GPR78: variants seen among roughly 807,000 people sequenced by gnomAD.
The protein encoded by GPR78 is G protein-coupled receptor 78.
In GPR78, 29 loss-of-function variants were observed where a neutral mutation model predicts 17.9. The observed-to-expected ratio is 1.62, with a 90% CI of 1.20 to 2.21. The LOEUF (loss-of-function observed/expected upper bound fraction) is 2.21. Among genes scored for constraint, GPR78 ranks in the 30% most tolerant of loss-of-function variants. GPR78 has a pLI of 0.00. For synonymous variants in GPR78, 349 were observed against 256.9 expected (o/e 1.36, Z -3.43); for missense variants, 649 against 530.5 (o/e 1.22, Z -2.19).
chr4:8,584,037 C>T (rs1195770325), intron 2 of GPR78, among the ~76,000 whole-genome samples: 1 of 152,164 alleles, frequency 6.6e-6, no homozygotes, highest in Non-Finnish European at 1.5e-5. Flanking sequence ...TATGTGTGCC[C>T]ATGTGCCTGC....
chr4:8,587,221 C>A lies in GPR78; in HGVS notation c.950C>A (p.Pro317Gln). Residue 317 changes from proline (P) to glutamine (Q), a missense_variant, in exon 3 of 3, where the codon CCG becomes CAG. Coordinates refer to ENST00000382487, the MANE Select transcript of GPR78 (RefSeq NM_080819.5). Reference sequence around the variant, plus strand: ...GTGCACCGGCTGCTGAAGAGAACCCCGCGCCCAGCATCCACCCATGACAGC... The same window carrying A: ...GTGCACCGGCTGCTGAAGAGAACCCAGCGCCCAGCATCCACCCATGACAGC... ...GMVHRLLKRT[P>Q]RPASTHDSSL... 6.2e-7 allele frequency: 1 copy of A among 1,610,796 alleles called. No homozygotes were observed. Among genetic ancestry groups the A allele is most frequent in the Non-Finnish European group, 8.5e-7 (1 of 1,177,874 alleles).
Position 8,588,852 on chromosome 4 carries a change from A to G in GPR78, c.*1489A>G, listed in dbSNP as rs1180881788. ...TTCACAGATTCTTCCCCAAAAACAC[A>G]GGTGTTATTATTATACTTTTAAAAA... On this transcript the variant is annotated 3_prime_UTR_variant, in exon 3 of 3. Coordinates refer to ENST00000382487, the MANE Select transcript of GPR78 (RefSeq NM_080819.5). Among the ~76,000 whole-genome samples the G allele has an allele frequency of 6.6e-6, 1 of 152,180 alleles. No individual in the cohort carries two copies. The highest frequency in any genetic ancestry group is 1.5e-5 in the Non-Finnish European group (1 of 68,038).
chr4:8,580,962 G>T lies in GPR78; in HGVS notation c.-21G>T. ...AGCAGAGCCATGAGAACCCCAGGGT[G>T]CCTGGCGAGCCGCTAGCGCCATGGG... is the stretch of plus-strand genomic sequence containing the variant. On this transcript the variant is annotated 5_prime_UTR_variant, in exon 1 of 3. Coordinates refer to ENST00000382487, the MANE Select transcript of GPR78 (RefSeq NM_080819.5). The T allele has an allele frequency of 2.6e-6, 4 of 1,531,320 alleles. No individual in the cohort carries two copies. The highest frequency in any genetic ancestry group is 2.5e-5 in the South Asian group (2 of 80,898). 94.9% of individuals were successfully genotyped at this position (1,531,320 alleles called of 1,614,324 possible).
In GPR78 at chr4:8,580,870, C is replaced by A. The variant is rs1713245636; in HGVS notation, c.-113C>A. The A allele has an allele frequency of 7.5e-6, 8 of 1,064,076 alleles. No individual in the cohort carries two copies. The South Asian group carries it at 1.3e-4, about 18-fold the overall frequency. 65.9% of individuals were successfully genotyped at this position (1,064,076 alleles called of 1,614,324 possible). A position where few individuals can be genotyped will look rare whatever the true frequency, so the allele number is the denominator to read the frequency against. On this transcript the variant is annotated 5_prime_UTR_variant, in exon 1 of 3. Coordinates refer to ENST00000382487, the MANE Select transcript of GPR78 (RefSeq NM_080819.5). ...CTGGACCTTGCTAGCCGGCTCTGCA[C>A]CTCCCAGAAGCCGTGGGCGCGCCGC...
intron 2 of GPR78, 51 bp from the exon 3 acceptor site, chr4:8,587,003 G>T (rs758709975): frequency 6.6e-7 from 1 of 1,510,640 alleles, no homozygotes; most frequent in Admixed American, 1.7e-5. Flanking sequence ...GCGTGAGTGC[G>T]TGGCAGGTGC....
chr4:8,581,261 G>T lies in GPR78; in HGVS notation c.279G>T (p.Ala93=). 1 of 1,591,380 alleles carries T rather than the reference G, an allele frequency of 6.3e-7. No individual in the cohort carries two copies. Among genetic ancestry groups the T allele is most frequent in the Non-Finnish European group, 8.5e-7 (1 of 1,174,142 alleles). Residue 93 remains alanine, a synonymous_variant, in exon 1 of 3, where the codon GCG becomes GCT. Transcript: ENST00000382487. Reference sequence around the variant, plus strand: ...TGGACACCTTCCTGGCGTCCAACGCGGCGCTGAGCGTGGCGGCGCTGAGCG... The same window carrying T: ...TGGACACCTTCCTGGCGTCCAACGCTGCGCTGAGCGTGGCGGCGCTGAGCG... ...GFLDTFLASN[A]ALSVAALSAD...
chr4:8,581,455 T>A lies in GPR78; in HGVS notation c.473T>A (p.Leu158Gln). ...GYSSAFASCSLRLPPEPERPR... is the reference protein window; with the variant it reads ...GYSSAFASCSQRLPPEPERPR... ...AGCAGCGCCTTCGCGTCCTGTTCGC[T>A]GCGCCTGCCGCCCGAGCCTGAGCGT... Residue 158 changes from leucine (L) to glutamine (Q), a missense_variant, in exon 1 of 3, where the codon CTG (leucine) becomes CAG (glutamine). Coordinates refer to ENST00000382487, the MANE Select transcript of GPR78 (RefSeq NM_080819.5). 3 of 1,591,104 alleles carry A rather than the reference T, an allele frequency of 1.9e-6. No individual in the cohort carries two copies. Among genetic ancestry groups the A allele is most frequent in the Non-Finnish European group, 2.5e-6 (3 of 1,176,538 alleles).
At chr4:8,581,833 G>A (rs1713305542) in intron 1 of GPR78, among the ~76,000 whole-genome samples, 183 bp downstream of exon 1, 1 of 149,414 alleles carries the variant, frequency 6.7e-6, no homozygotes, top group Non-Finnish European at 1.5e-5. Flanking sequence ...ACACTGCGGG[G>A]GCCTCTGCCT....
chr4:8,581,970 T>A (rs1265184078), intron 1 of GPR78, among the ~76,000 whole-genome samples: 1 of 152,186 alleles, frequency 6.6e-6, no homozygotes, highest in Non-Finnish European at 1.5e-5. Flanking sequence ...GCTGTGGGTC[T>A]GAGGCATCTG....
chr4:8,583,311 C>A (rs961170840), intron 2 of GPR78, among the ~76,000 whole-genome samples: 2 of 152,152 alleles, frequency 1.3e-5, no homozygotes, highest in African/African-American at 4.8e-5. Flanking sequence ...TGGAAGGCAC[C>A]GTGGTTAGAG....
Position 8,581,325 on chromosome 4 carries a change from G to T in GPR78, c.343G>T (p.Ala115Ser), listed in dbSNP as rs199748712. ...WLAVGFPLRY[A>S]GRLRPRYAGL... ...GGCAGTGGGCTTCCCACTGCGCTAC[G>T]CCGGACGCCTGCGACCGCGCTATGC... Residue 115 changes from alanine to serine, a missense_variant, in exon 1 of 3, where the codon GCC (alanine) becomes TCC (serine). By Grantham distance (99) the Ala-to-Ser change is moderately conservative. Coordinates refer to ENST00000382487, the MANE Select transcript of GPR78 (RefSeq NM_080819.5). The T allele has an allele frequency of 5.0e-4, 791 of 1,577,934 alleles. No homozygotes were observed. Among genetic ancestry groups the T allele is most frequent in the Non-Finnish European group, 4.9e-4 (569 of 1,168,060 alleles).
rs1713246213 is a variant in GPR78 at position 8,580,887 on chromosome 4, G to C, written c.-96G>C. ...GCTCTGCACCTCCCAGAAGCCGTGG[G>C]CGCGCCGCTCAGCTGCTCCATCGCC... On this transcript the variant is annotated 5_prime_UTR_variant, in exon 1 of 3. Coordinates refer to ENST00000382487, the MANE Select transcript of GPR78 (RefSeq NM_080819.5). 3.4e-6 allele frequency: 4 copies of C among 1,192,336 alleles called. No individual in the cohort carries two copies. Among genetic ancestry groups the C allele is most frequent in the Non-Finnish European group, 4.6e-6 (4 of 876,672 alleles). The allele number at this position is 1,192,336 out of a possible 1,614,324, so 73.9% of individuals were successfully genotyped here.
intron 1 of GPR78, 37 bp downstream of exon 1, chr4:8,581,687 G>C: frequency 7.1e-7 from 1 of 1,401,884 alleles, no homozygotes; most frequent in Non-Finnish European, 9.3e-7. Flanking sequence ...CCCAGGCCAG[G>C]GACTTGGGCG....
rs771997373 is a variant in GPR78 at position 8,581,576 on chromosome 4, G to A, written c.594G>A (p.Val198=). The A allele has an allele frequency of 1.9e-6, 3 of 1,573,676 alleles. No homozygotes were observed. The highest frequency in any genetic ancestry group is 2.6e-6 in the Non-Finnish European group (3 of 1,167,730). The change falls in exon 1 of 3, where the codon GTG becomes GTA. Residue 198 remains valine, a synonymous_variant. Transcript: ENST00000382487. The part of the protein sequence containing the change: ...LCLTSLQVHR[V]ARRHCQRMDT... ...TCACCTCGCTCCAGGTGCACCGGGT[G>A]GCACGCAGACACTGCCAGCGCATGG...
Position 8,587,070 on chromosome 4 carries a change from C to A in GPR78, c.799C>A (p.Pro267Thr). 1.2e-6 allele frequency: 2 copies of A among 1,611,618 alleles called. No individual in the cohort carries two copies. Among genetic ancestry groups the A allele is most frequent in the Non-Finnish European group, 1.7e-6 (2 of 1,178,930 alleles). The change falls in exon 3 of 3, where the codon CCC becomes ACC. Residue 267 changes from proline to threonine, a missense_variant. By Grantham distance (38) the Pro-to-Thr change is conservative (BLOSUM62 -1). Transcript: ENST00000382487. ...YVMTRLAELV[P>T]FVTVNAQWGI... ...CCCCAACAGGCTGGCGGAGCTCGTGCCCTTCGTCACCGTGAACGCCCAGTG... is the reference window on the plus strand; with the variant it reads ...CCCCAACAGGCTGGCGGAGCTCGTGACCTTCGTCACCGTGAACGCCCAGTG...
At position 8,584,047 on chromosome 4, in the gene GPR78, C is replaced by CGCAT. The variant is rs1280783688; in HGVS notation, c.782+1413_782+1416dup. ...GTGTGTATGTGTGCCCATGTGCCTG[C>CGCAT]GCATGCATGCATGTGTATGTTGTGA... On this transcript the variant is annotated intron_variant, in intron 2 of 2. Transcript: ENST00000382487. 3.9e-5 allele frequency among the ~76,000 whole-genome samples: 6 copies of CGCAT among 152,270 alleles called. No individual in the cohort carries two copies. The East Asian group carries it at 1.2e-3, about 29-fold the overall frequency.
rs770418487 is a variant in GPR78, at chr4:8,582,536, G to A, written c.674G>A (p.Arg225Gln). The A allele has an allele frequency of 2.0e-5, 32 of 1,605,168 alleles. No homozygotes were observed. Among genetic ancestry groups the A allele is most frequent in the Middle Eastern group, 3.3e-4 (2 of 6,052 alleles). The change falls in exon 2 of 3, where the codon CGG (arginine) becomes CAG (glutamine). Residue 225 changes from arginine (R) to glutamine (Q), a missense_variant. Physicochemically the swap from Arg to Gln is conservative, Grantham distance 43. Transcript: ENST00000382487. ...ACTGTCCTCTGTCCCCACAGTGTGC[G>A]GCAGCGCTGCCTCATCCAGCAGAAG... Reference protein sequence around the residue: ...ALLADLHPSVRQRCLIQQKRR... With the variant: ...ALLADLHPSVQQRCLIQQKRR...
chr4:8,581,799 T>TTG, intron 1 of GPR78, 149 bp downstream of exon 1: 1 of 605,650 alleles, frequency 1.7e-6, no homozygotes, highest in South Asian at 2.6e-5. Flanking sequence ...CTCACAGGGG[T>TTG]TTCCTGTTGG....
chr4:8,580,993 G>A lies in GPR78; in HGVS notation c.11G>A (p.Gly4Asp). 1 of 1,585,954 alleles carries A rather than the reference G, an allele frequency of 6.3e-7. No individual in the cohort carries two copies. The highest frequency in any genetic ancestry group is 8.6e-7 in the Non-Finnish European group (1 of 1,167,550). MGP[G>D]EALLAGLLVM... The stretch of plus-strand genomic sequence containing the variant: ...CGAGCCGCTAGCGCCATGGGCCCCG[G>A]CGAGGCGCTGCTGGCGGGTCTCCTG... Residue 4 changes from glycine (G) to aspartate (D), a missense_variant, in exon 1 of 3, where the codon GGC becomes GAC. By Grantham distance (94) the Gly-to-Asp change is moderately conservative. Transcript: ENST00000382487.
Sources: gnomAD v4.1 joint callset for allele counts (sites outside exome capture counted in the v4.1 genomes callset) on GRCh38, gnomAD v4.1.1 for gene constraint, MANE v1.5 for transcripts, NCBI Gene and HGNC (gene_info 2026-07-23, HGNC 2026-07-21) for gene names.